ADAMTS19: variants seen among roughly 807,000 people sequenced by gnomAD.
ADAMTS19 encodes A disintegrin and metalloproteinase with thrombospondin motifs 19.
In ADAMTS19, 93 loss-of-function variants were observed where a neutral mutation model predicts 153.3. The observed-to-expected ratio is 0.61, with a 90% CI of 0.51 to 0.72. ADAMTS19 has a LOEUF of 0.72. ADAMTS19 is among the 30% of genes least tolerant of loss of function. The pLI is 0.00. For missense variants in ADAMTS19, 1,482 were observed against 1,552.1 expected (o/e 0.95, Z 0.76); for synonymous variants, 600 against 556.6 (o/e 1.08, Z -1.10).
At chr5:129,543,226 T>C (rs1450435382) in intron 6 of ADAMTS19, among the ~76,000 whole-genome samples, 4 of 151,460 alleles carry the variant, frequency 2.6e-5, no homozygotes, top group African/African-American at 7.3e-5. Context: ...ATTTTTTGTA[T>C]TTTTTTTAGT....
At position 129,648,802 on chromosome 5, in the gene ADAMTS19, G is replaced by A; in HGVS notation, c.2008G>A (p.Asp670Asn). Residue 670 changes from aspartate (D) to asparagine (N), a missense_variant, in exon 13 of 23, where the codon GAT becomes AAT. By Grantham distance (23) the Asp-to-Asn change is conservative. Transcript: ENST00000274487. ...TATTTGTACTTTCTTTTCTAGGCTA[G>A]ATTCTGAAGCAAGGGATTGTAATGG... ...SSRERKCPGL[D>N]SEARDCNGPR... is the part of the protein sequence containing the mutation. The A allele has an allele frequency of 6.2e-7, 1 of 1,612,390 alleles. No homozygotes were observed. Among genetic ancestry groups the A allele is most frequent in the Non-Finnish European group, 8.5e-7 (1 of 1,179,480 alleles).
At chr5:129,504,529 ACT>A (rs1006509789) in intron 2 of ADAMTS19, among the ~76,000 whole-genome samples, 2 of 152,022 alleles carry the variant, frequency 1.3e-5, no homozygotes, top group African/African-American at 4.8e-5. Context: ...TTTAAAATCT[ACT>A]CTCTTGACAA....
intron 16 of ADAMTS19, among the ~76,000 whole-genome samples, chr5:129,669,323 T>C (rs1427022975): frequency 6.6e-6 from 1 of 152,080 alleles, no homozygotes; most frequent in African/African-American, 2.4e-5. Flanking sequence ...TTTCTCTTTC[T>C]TCATGATTCA....
At chr5:129,726,959 G>C (rs1328171086) in intron 21 of ADAMTS19, among the ~76,000 whole-genome samples, 1 of 152,014 alleles carries the variant, frequency 6.6e-6, no homozygotes, top group East Asian at 1.9e-4. Flanking sequence ...CCCTGTTCTT[G>C]TCTGTTTTGC....
At chr5:129,721,960 C>T (rs1240331295) in intron 21 of ADAMTS19, among the ~76,000 whole-genome samples, 1 of 152,142 alleles carries the variant, frequency 6.6e-6, no homozygotes, top group Non-Finnish European at 1.5e-5. Flanking sequence ...CATAGTATTC[C>T]ATGTTGTATA....
intron 18 of ADAMTS19, among the ~76,000 whole-genome samples, chr5:129,692,982 G>T (rs890137212): frequency 1.3e-5 from 2 of 152,124 alleles, no homozygotes; most frequent in Non-Finnish European, 2.9e-5. Context: ...TCCTAAAAAG[G>T]AAATAACTTA....
chr5:129,599,287 T>A (rs1750528010), intron 8 of ADAMTS19, among the ~76,000 whole-genome samples: 1 of 152,026 alleles, frequency 6.6e-6, no homozygotes, highest in Non-Finnish European at 1.5e-5. Context: ...GAAGGAAAAA[T>A]GCTGAGAATA....
chr5:129,681,836 T>A (rs1323354266), intron 17 of ADAMTS19, among the ~76,000 whole-genome samples: 1 of 152,190 alleles, frequency 6.6e-6, no homozygotes, highest in Non-Finnish European at 1.5e-5. Context: ...CCTTATGCCA[T>A]CTAGCGAGAG....
rs946412352 is a variant in ADAMTS19 at position 129,647,818 on chromosome 5, C to T, written c.1926C>T (p.Ala642=). The part of the protein sequence containing the change: ...TSRTSAPEHL[A]GEWSLWSPCS... ...GGACCTCAGCACCTGAACATCTGGC[C>T]GGAGAGTGGAGCCTGTGGAGTCCTT... is the stretch of plus-strand genomic sequence containing the variant. Residue 642 remains alanine (A), a synonymous_variant, in exon 12 of 23, where the codon GCC becomes GCT. Transcript: ENST00000274487. 17 of 1,613,890 alleles carry T rather than the reference C, an allele frequency of 1.1e-5. No homozygotes were observed. Among genetic ancestry groups the T allele is most frequent in the East Asian group, 2.2e-5 (1 of 44,884 alleles).
rs1202893228 is a variant in ADAMTS19, at chr5:129,461,885, A to C, written c.747+128A>C. On this transcript the variant is annotated intron_variant, in intron 2 of 22. Transcript: ENST00000274487. The surrounding 1 kb of genome is among the most constrained non-coding windows in gnomAD (Gnocchi z 4.6). ...CCTTTTGAGCTTGGCCCTAGACTGC[A>C]CCCCCAGGTGTCTACATCGTTTGCC... 2 of 1,312,336 alleles carry C rather than the reference A, an allele frequency of 1.5e-6. No individual in the cohort carries two copies. The highest frequency in any genetic ancestry group is 6.0e-5 in the Admixed American group (2 of 33,102). 81.3% of individuals were successfully genotyped at this position (1,312,336 alleles called of 1,614,324 possible). A position where few individuals can be genotyped will look rare whatever the true frequency, so the allele number is the denominator to read the frequency against.
intron 8 of ADAMTS19, among the ~76,000 whole-genome samples, chr5:129,602,491 A>G (rs1326959776): frequency 6.6e-6 from 1 of 152,216 alleles, no homozygotes; most frequent in Admixed American, 6.5e-5. Flanking sequence ...TATTTTGCTA[A>G]ATACTATGTA....
At chr5:129,673,275 A>G (rs1362942961) in intron 16 of ADAMTS19, among the ~76,000 whole-genome samples, 2 of 151,954 alleles carry the variant, frequency 1.3e-5, no homozygotes, top group Admixed American at 1.3e-4. Context: ...CATGAACTTC[A>G]TTGCTTTCTT....
intron 16 of ADAMTS19, among the ~76,000 whole-genome samples, chr5:129,674,136 C>G (rs1204772926): frequency 6.6e-6 from 1 of 151,870 alleles, no homozygotes; most frequent in Non-Finnish European, 1.5e-5. Context: ...GAGGCTGAGA[C>G]AGGAGAATCA....
chr5:129,589,927 T>C (rs1328784431), intron 7 of ADAMTS19, among the ~76,000 whole-genome samples: 3 of 152,166 alleles, frequency 2.0e-5, no homozygotes, highest in Non-Finnish European at 4.4e-5. Context: ...ATGTTACATA[T>C]ATGGCTTAGT....
At chr5:129,464,744 A>G (rs983495761) in intron 2 of ADAMTS19, among the ~76,000 whole-genome samples, 2 of 152,324 alleles carry the variant, frequency 1.3e-5, no homozygotes, top group East Asian at 1.9e-4. Context: ...TCTGGATCTC[A>G]TATCTGGATC....
chr5:129,585,399 C>T (rs1412421827), intron 7 of ADAMTS19, among the ~76,000 whole-genome samples: 1 of 151,778 alleles, frequency 6.6e-6, no homozygotes, highest in East Asian at 1.9e-4. Context: ...TATGAACTTC[C>T]CTAAGGACAG....
chr5:129,471,159 G>A (rs1180341855), intron 2 of ADAMTS19, among the ~76,000 whole-genome samples: 1 of 151,978 alleles, frequency 6.6e-6, no homozygotes, highest in African/African-American at 2.4e-5. Context: ...TAAAAATAAG[G>A]CTTCCAGACT....
intron 10 of ADAMTS19, among the ~76,000 whole-genome samples, chr5:129,628,261 T>G (rs1246533706): frequency 6.6e-6 from 1 of 151,752 alleles, no homozygotes; most frequent in African/African-American, 2.4e-5. Flanking sequence ...TAAGAACTCA[T>G]GAACACAAAG....
chr5:129,530,901 G>T (rs941230246), intron 6 of ADAMTS19, among the ~76,000 whole-genome samples: 1 of 151,380 alleles, frequency 6.6e-6, no homozygotes, highest in Non-Finnish European at 1.5e-5. Flanking sequence ...ATGGTACAAA[G>T]AATATCTTAA....
Sources: gnomAD v4.1 joint callset for allele counts (sites outside exome capture counted in the v4.1 genomes callset) on GRCh38, gnomAD v4.1.1 for gene constraint, Gnocchi (gnomAD v3.1) non-coding constraint, MANE v1.5 for transcripts, NCBI Gene and HGNC (gene_info 2026-07-23, HGNC 2026-07-21) for gene names.